EPB41L5: variants seen among roughly 807,000 people sequenced by gnomAD.
EPB41L5 encodes the protein erythrocyte membrane protein band 4.1 like 5.
EPB41L5 carries 55 observed loss-of-function variants against 106.6 expected under a neutral mutation model. The ratio of observed to expected loss-of-function variants is 0.52; its 90% CI spans 0.42 to 0.65. The LOEUF (loss-of-function observed/expected upper bound fraction) is 0.65. Ranked by LOEUF, EPB41L5 falls within the 30% of genes least tolerant of loss-of-function variation. The pLI, the probability that EPB41L5 is intolerant of heterozygous loss-of-function variation, is 0.00. For missense variants in EPB41L5, 871 were observed against 882.1 expected (o/e 0.99, Z 0.16); for synonymous variants, 297 against 306.7 (o/e 0.97, Z 0.33).
chr2:120,013,236 C>G (rs1677248926), intron 1 of EPB41L5, 26 bp downstream of exon 1: 2 of 152,350 alleles, frequency 1.3e-5, no homozygotes, highest in South Asian at 2.1e-4. Context: ...GGCGGCGGCG[C>G]CGCAGTACAG....
intron 5 of EPB41L5, 121 bp downstream of exon 5, chr2:120,074,299 C>T: frequency 3.1e-6 from 2 of 644,214 alleles, no homozygotes; most frequent in Admixed American, 3.3e-5. Flanking sequence ...GTAACAAGAC[C>T]TCAAATAATA....
At chr2:120,080,877 A>G (rs760263515) in intron 10 of EPB41L5, among the ~76,000 whole-genome samples, 2 of 151,762 alleles carry the variant, frequency 1.3e-5, no homozygotes, top group African/African-American at 4.8e-5. Context: ...GCATTTTTTC[A>G]TGTGTCTGTT....
intron 21 of EPB41L5, among the ~76,000 whole-genome samples, chr2:120,163,797 A>C (rs1266034891): frequency 6.6e-6 from 1 of 151,454 alleles, no homozygotes; most frequent in Non-Finnish European, 1.5e-5. Context: ...CTCTATAAAA[A>C]AAAAATTGGC....
chr2:120,029,416 G>A (rs576488470), intron 2 of EPB41L5, among the ~76,000 whole-genome samples: 5 of 152,156 alleles, frequency 3.3e-5, no homozygotes, highest in South Asian at 4.2e-4. Flanking sequence ...GGCTGGCTTC[G>A]AGCTCCTGAC....
chr2:120,118,885 G>C (rs1012626696), intron 16 of EPB41L5, among the ~76,000 whole-genome samples: 158 of 152,290 alleles, frequency 1.0e-3, no homozygotes, highest in African/African-American at 3.5e-3. Context: ...TGGTATTTCT[G>C]CCTCTAGGTC....
At chr2:120,109,708 C>A (rs1440223685) in intron 16 of EPB41L5, among the ~76,000 whole-genome samples, 1 of 152,182 alleles carries the variant, frequency 6.6e-6, no homozygotes. Flanking sequence ...TAGCTCACAT[C>A]ATTTAAAAAA....
At chr2:120,107,249 C>T (rs1426546633) in intron 16 of EPB41L5, among the ~76,000 whole-genome samples, 1 of 152,112 alleles carries the variant, frequency 6.6e-6, no homozygotes, top group African/African-American at 2.4e-5. Context: ...TTGGTCAGGG[C>T]ACACTCTTCA....
chr2:120,129,921 G>A (rs535524076), intron 17 of EPB41L5, among the ~76,000 whole-genome samples: 13 of 152,122 alleles, frequency 8.5e-5, no homozygotes, highest in African/African-American at 2.2e-4. Context: ...CAAGGCAGGC[G>A]GATCACCTGA....
chr2:120,022,346 C>A (rs769601860), intron 2 of EPB41L5, among the ~76,000 whole-genome samples: 1 of 151,970 alleles, frequency 6.6e-6, no homozygotes, highest in Non-Finnish European at 1.5e-5. Flanking sequence ...CCCCCACCCC[C>A]CGACAGGCCC....
At chr2:120,160,847 C>G in intron 20 of EPB41L5, 34 bp from the exon 21 acceptor site, 1 of 1,511,898 alleles carries the variant, frequency 6.6e-7, no homozygotes, top group South Asian at 1.1e-5. Context: ...CTGTACAGGT[C>G]CTACATGATG....
At chr2:120,125,728 T>G (rs1685431700) in intron 16 of EPB41L5, among the ~76,000 whole-genome samples, 2 of 152,202 alleles carry the variant, frequency 1.3e-5, no homozygotes, top group African/African-American at 4.8e-5. Flanking sequence ...TTTTATGGCC[T>G]GATGTGGTGC....
intron 18 of EPB41L5, 39 bp downstream of exon 18, chr2:120,131,754 C>T: frequency 7.4e-7 from 1 of 1,348,924 alleles, no homozygotes. Flanking sequence ...TTACACATCT[C>T]CAGAGCTCCC....
intron 2 of EPB41L5, among the ~76,000 whole-genome samples, chr2:120,029,470 A>G (rs964166145): frequency 1.3e-5 from 2 of 152,188 alleles, no homozygotes; most frequent in African/African-American, 4.8e-5. Context: ...TGCTGGGATT[A>G]TAGGTAATTG....
At chr2:120,017,371 C>T (rs1032780766) in intron 1 of EPB41L5, among the ~76,000 whole-genome samples, 4 of 152,230 alleles carry the variant, frequency 2.6e-5, no homozygotes, top group South Asian at 2.1e-4. Context: ...ACATTGAAAT[C>T]ATTAGCAGCT....
intron 4 of EPB41L5, 73 bp from the exon 5 acceptor site, chr2:120,074,027 A>G: frequency 1.7e-6 from 2 of 1,160,338 alleles, no homozygotes; most frequent in Non-Finnish European, 2.5e-6. Flanking sequence ...TAGATTTTTG[A>G]CCAGTTTTCT....
intron 3 of EPB41L5, among the ~76,000 whole-genome samples, chr2:120,051,383 A>C (rs1485436897): frequency 6.6e-6 from 1 of 152,070 alleles, no homozygotes; most frequent in Non-Finnish European, 1.5e-5. Context: ...CCTCGCTGCC[A>C]CCTTGCAGTT....
chr2:120,154,576 C>A (rs1388671768), intron 20 of EPB41L5, among the ~76,000 whole-genome samples: 1 of 152,136 alleles, frequency 6.6e-6, no homozygotes, highest in African/African-American at 2.4e-5. Flanking sequence ...CTCTGCAAAA[C>A]CTTTGTTCTC....
intron 3 of EPB41L5, among the ~76,000 whole-genome samples, chr2:120,056,222 G>A (rs532167036): frequency 6.6e-6 from 1 of 150,914 alleles, no homozygotes; most frequent in Non-Finnish European, 1.5e-5. Flanking sequence ...TGTTTATATG[G>A]TATGTTATGT....
In EPB41L5 at chr2:120,164,919, G is replaced by A. The variant is rs1361721161; in HGVS notation, c.1962+9G>A. 8 of 1,584,976 alleles carry A rather than the reference G, an allele frequency of 5.0e-6. No individual in the cohort carries two copies. Among genetic ancestry groups the A allele is most frequent in the Non-Finnish European group, 6.0e-6 (7 of 1,163,986 alleles). On this transcript the variant is annotated intron_variant, in intron 22 of 24. Transcript: ENST00000263713. ...ACACAGTTGCACCTCAGGTAAATAT[G>A]CTTTAAAATAGTATGATGGAAAGAA...
Sources: gnomAD v4.1 joint callset for allele counts (sites outside exome capture counted in the v4.1 genomes callset) on GRCh38, gnomAD v4.1.1 for gene constraint, MANE v1.5 for transcripts, NCBI Gene and HGNC (gene_info 2026-07-23, HGNC 2026-07-21) for gene names.